LSAMP: variants seen among roughly 807,000 people sequenced by gnomAD.
LSAMP encodes the protein limbic system associated membrane protein.
Under a neutral mutation model 38.6 loss-of-function variants are expected in LSAMP, and 7 were observed. The observed-to-expected ratio is 0.18, with a 90% CI of 0.10 to 0.34. The LOEUF (loss-of-function observed/expected upper bound fraction) is 0.34. Among genes scored for constraint, LSAMP ranks in the 10% least tolerant of loss-of-function variants. The probability of loss-of-function intolerance (pLI) is 1.00; values close to 1 mark genes in which losing one functional copy is unlikely to be tolerated. For synonymous variants in LSAMP, 154 were observed against 166.8 expected, an observed-to-expected ratio of 0.92 and a Z score of 0.59; for missense variants, 313 against 420.0, an observed-to-expected ratio of 0.75 and a Z score of 2.23.
At chr3:115,868,409 C>T (rs563291399) in intron 3 of LSAMP, among the ~76,000 whole-genome samples, 37 of 152,204 alleles carry the variant, frequency 2.4e-4, no homozygotes, top group African/African-American at 8.4e-4. Context: ...TCCCTCTCTC[C>T]ATCAAGTTGT....
intron 1 of LSAMP, among the ~76,000 whole-genome samples, chr3:116,111,357 A>G (rs997758568): frequency 3.3e-5 from 5 of 152,190 alleles, no homozygotes; most frequent in African/African-American, 1.2e-4. Context: ...GATCGACAGT[A>G]AGTTTTATTC....
chr3:116,196,677 T>C lies in LSAMP; in HGVS notation c.156-110121A>G, dbSNP rs112959303. The stretch of plus-strand genomic sequence containing the variant: ...AAAAGTAGCAGAAATTTTTTCCTCC[T>C]AGAGACCTGCCTTATCACGTGTAGT... On this transcript the variant is annotated intron_variant, in intron 1 of 6. Transcript: ENST00000490035. Among the ~76,000 whole-genome samples, 789 of 152,358 alleles carry C rather than the reference T, an allele frequency of 5.2e-3. 11 individuals are homozygous for C. Among genetic ancestry groups the C allele is most frequent in the African/African-American group, 0.018 (744 of 41,594 alleles).
rs375854567 is a variant in LSAMP, at chr3:116,274,574, G to C, written c.155+170303C>G. ...AAACACACATATTGAAGGTCTACAA[G>C]GTGCTGAACTAAGATTTTTCTCATC... is the stretch of plus-strand genomic sequence containing the variant. On this transcript the variant is annotated intron_variant, in intron 1 of 6. Transcript: ENST00000490035. Among the ~76,000 whole-genome samples, 64 of 152,118 alleles carry C rather than the reference G, an allele frequency of 4.2e-4. 1 individual carries two copies. In the East Asian group the frequency reaches 0.01, roughly 25 times the overall value.
chr3:115,978,905 C>T (rs999890394), intron 3 of LSAMP, among the ~76,000 whole-genome samples: 1 of 151,700 alleles, frequency 6.6e-6, no homozygotes, highest in Non-Finnish European at 1.5e-5. Context: ...TAATTGAAAT[C>T]AAAAGGAGGT....
rs111562471 is a variant in LSAMP, at chr3:116,209,732, GATTT to G, written c.156-123180_156-123177del. ...CTCTGATTGAACAAATACATTTTGG[GATTT>G]ATTTATTATTTATTTATTTATTTAT... On this transcript the variant is annotated intron_variant, in intron 1 of 6. Coordinates refer to ENST00000490035, the MANE Select transcript of LSAMP (RefSeq NM_002338.5). Among the ~76,000 whole-genome samples, 633 of 151,928 alleles carry G rather than the reference GATTT, an allele frequency of 4.2e-3. 7 individuals are homozygous for G. The highest frequency in any genetic ancestry group is 0.014 in the African/African-American group (595 of 41,470).
intron 1 of LSAMP, among the ~76,000 whole-genome samples, chr3:116,177,816 T>C (rs1043857231): frequency 6.6e-6 from 1 of 152,142 alleles, no homozygotes; most frequent in Non-Finnish European, 1.5e-5. Context: ...GGGAATCACA[T>C]CCTAGTTATT....
At chr3:116,120,221 C>T (rs1357043309) in intron 1 of LSAMP, among the ~76,000 whole-genome samples, 1 of 152,006 alleles carries the variant, frequency 6.6e-6, no homozygotes, top group Non-Finnish European at 1.5e-5. Flanking sequence ...TCTTGATGGA[C>T]CAAAGGAGGA....
intron 1 of LSAMP, among the ~76,000 whole-genome samples, chr3:116,148,421 C>T (rs1383539155): frequency 6.6e-6 from 1 of 151,918 alleles, no homozygotes; most frequent in Admixed American, 6.6e-5. Context: ...AGAAATTTGT[C>T]TTTGTTTTCC....
chr3:116,213,384 C>T (rs1278338700), intron 1 of LSAMP, among the ~76,000 whole-genome samples: 1 of 152,146 alleles, frequency 6.6e-6, no homozygotes, highest in Non-Finnish European at 1.5e-5. Flanking sequence ...TCTTTCTTTG[C>T]CTGCTGCTAT....
Position 116,164,753 on chromosome 3 carries a change from TATATA to T in LSAMP, c.156-78202_156-78198del, listed in dbSNP as rs1559766406. The stretch of plus-strand genomic sequence containing the variant: ...AAATATATATATATCCATATATATA[TATATA>T]TATTTTTTTTTTTTTTCAAGTAGCA... On this transcript the variant is annotated intron_variant, in intron 1 of 6. Coordinates refer to ENST00000490035, the MANE Select transcript of LSAMP (RefSeq NM_002338.5). Among the ~76,000 whole-genome samples, 86 of 54,930 alleles carry T rather than the reference TATATA, an allele frequency of 1.6e-3. 6 individuals carry two copies. Among genetic ancestry groups the T allele is most frequent in the Non-Finnish European group, 2.6e-3 (64 of 24,838 alleles). The allele number at this position is 54,930 out of a possible 152,430, so 36.0% of individuals were successfully genotyped here.
intron 1 of LSAMP, among the ~76,000 whole-genome samples, chr3:116,152,108 G>T (rs189365025): frequency 3.7e-4 from 56 of 152,064 alleles, no homozygotes; most frequent in Non-Finnish European, 5.6e-4. Flanking sequence ...TTCTGATCAG[G>T]TCTGACATAA....
At chr3:116,440,912 C>T (rs1020924619) in intron 1 of LSAMP, among the ~76,000 whole-genome samples, 2 of 152,188 alleles carry the variant, frequency 1.3e-5, no homozygotes, top group Non-Finnish European at 2.9e-5. Flanking sequence ...CATATCGTAT[C>T]AAGAATTTGA....
intron 1 of LSAMP, among the ~76,000 whole-genome samples, chr3:116,110,138 T>C (rs1169905841): frequency 7.2e-6 from 1 of 139,096 alleles, no homozygotes; most frequent in Non-Finnish European, 1.6e-5. Flanking sequence ...GGGTACTTGC[T>C]CCTCCCCCAG....
intron 1 of LSAMP, among the ~76,000 whole-genome samples, chr3:116,386,581 T>C (rs2048629078): frequency 2.0e-5 from 3 of 152,160 alleles, no homozygotes; most frequent in Admixed American, 2.0e-4. Context: ...CAAGCAGTCC[T>C]CATACCTCAG....
chr3:115,853,368 T>C (rs897225243), intron 3 of LSAMP, among the ~76,000 whole-genome samples: 2 of 152,240 alleles, frequency 1.3e-5, no homozygotes, highest in African/African-American at 4.8e-5. Flanking sequence ...GTGTTTGTGA[T>C]GGACTGTGTC....
At chr3:115,892,227 C>G (rs1936616404) in intron 3 of LSAMP, among the ~76,000 whole-genome samples, 1 of 151,940 alleles carries the variant, frequency 6.6e-6, no homozygotes, top group Non-Finnish European at 1.5e-5. Flanking sequence ...ATTTTAGAAT[C>G]CAGTGATCCC....
At chr3:116,179,339 G>C (rs1009733904) in intron 1 of LSAMP, among the ~76,000 whole-genome samples, 7 of 152,014 alleles carry the variant, frequency 4.6e-5, no homozygotes, top group African/African-American at 1.7e-4. Flanking sequence ...CTGTACTCAA[G>C]CACTCCCCAT....
chr3:116,355,265 C>A (rs1215399445), intron 1 of LSAMP, among the ~76,000 whole-genome samples: 1 of 151,942 alleles, frequency 6.6e-6, no homozygotes. Context: ...AATAAGCATG[C>A]CTGCTGATTG....
Position 116,098,326 on chromosome 3 carries a change from C to G in LSAMP, c.156-11770G>C, listed in dbSNP as rs185056569. On this transcript the variant is annotated intron_variant, in intron 1 of 6. Transcript: ENST00000490035. ...CCAGCTTGACCAACAGGGAGAAACC[C>G]CATCTCTAGTTAAAAATTCAAAATT... Among the ~76,000 whole-genome samples the G allele has an allele frequency of 2.5e-3, 386 of 152,008 alleles. 1 individual carries two copies. The highest frequency in any genetic ancestry group is 8.9e-3 in the African/African-American group (371 of 41,510).
Sources: allele counts gnomAD v4.1 joint callset (sites outside exome capture counted in the v4.1 genomes callset), GRCh38; gene constraint gnomAD v4.1.1; transcripts MANE v1.5; gene names NCBI Gene and HGNC (gene_info 2026-07-23, HGNC 2026-07-21).